CHADL: variants seen among roughly 807,000 people sequenced by gnomAD.
CHADL encodes the protein chondroadherin-like protein.
CHADL carries 48 observed loss-of-function variants against 52.1 expected under a neutral mutation model. The observed-to-expected ratio is 0.92, with a 90% confidence interval of 0.73 to 1.17. The LOEUF (loss-of-function observed/expected upper bound fraction) is 1.17. Ranked by LOEUF, CHADL falls within the 50% of genes most tolerant of loss-of-function variation. The pLI, the probability that CHADL is intolerant of heterozygous loss-of-function variation, is 0.00. For synonymous variants in CHADL, 498 were observed against 511.2 expected (o/e 0.97, Z 0.35); for missense variants, 977 against 1,035.1 (o/e 0.94, Z 0.77).
chr22:41,230,449 G>A lies in CHADL; in HGVS notation c.2263-719C>T, dbSNP rs2032524974. The stretch of plus-strand genomic sequence containing the variant: ...CCTGTTGCTTCTGCCCTCCCCTGTG[G>A]AAAGGTCTATATGACGGGCCGCCTG... On this transcript the variant is annotated intron_variant, in intron 5 of 5. Coordinates refer to ENST00000216241, the MANE Select transcript of CHADL (RefSeq NM_138481.2). The A allele has an allele frequency of 2.9e-5, 17 of 582,914 alleles. No individual in the cohort carries two copies. In the South Asian group the frequency reaches 3.5e-4, roughly 12 times the overall value. 36.1% of individuals were successfully genotyped at this position (582,914 alleles called of 1,614,324 possible). A position where few individuals can be genotyped will look rare whatever the true frequency, so the allele number is the denominator to read the frequency against.
At position 41,238,567 on chromosome 22, in the gene CHADL, C is replaced by T. The variant is rs1256523101; in HGVS notation, c.505G>A (p.Ala169Thr). ...GCCATGGCGGGCAGGTAAACCAGGG[C>T]GTTGTGGGCCAGGTTTAGCGTGGCC... is the stretch of plus-strand genomic sequence containing the variant. ...ALATLNLAHN[A>T]LVYLPAMAFQ... The change falls in exon 3 of 6, where the codon GCC (alanine) becomes ACC (threonine). Residue 169 changes from alanine to threonine, a missense_variant. By Grantham distance (58) the Ala-to-Thr change is moderately conservative. Transcript: ENST00000216241. This position sits in a 1 kb window ranked among gnomAD's most constrained non-coding sequence, Gnocchi z 4.9. The T allele has an allele frequency of 6.5e-7, 1 of 1,546,370 alleles. No homozygotes were observed. The highest frequency in any genetic ancestry group is 1.4e-5 in the African/African-American group (1 of 73,136).
At chr22:41,230,118 C>G (rs1343195973) in intron 5 of CHADL, 6 of 1,342,898 alleles carry the variant, frequency 4.5e-6, no homozygotes, top group African/African-American at 1.5e-5. Flanking sequence ...GCCCACCCAC[C>G]CGCCTCCCCT....
Position 41,237,579 on chromosome 22 carries a change from C to G in CHADL, c.1493G>C (p.Arg498Pro), listed in dbSNP as rs1279326157. ...GCGTTCTAGGTACAGGTAGCCGAGG[C>G]GGGGAGCCCCTTCAAGGGCAGCAGC... Reference protein sequence around the residue: ...LSAAALEGAPRLGYLYLERNR... With the variant: ...LSAAALEGAPPLGYLYLERNR... Residue 498 changes from arginine (R) to proline (P), a missense_variant, in exon 3 of 6, where the codon CGC (arginine) becomes CCC (proline). Coordinates refer to ENST00000216241, the MANE Select transcript of CHADL (RefSeq NM_138481.2). 1.3e-6 allele frequency: 2 copies of G among 1,550,486 alleles called. No individual in the cohort carries two copies. The highest frequency in any genetic ancestry group is 3.9e-5 in the Admixed American group (2 of 51,008).
At chr22:41,239,994 A>G (rs1431546349) in intron 1 of CHADL, among the ~76,000 whole-genome samples, 4 of 152,194 alleles carry the variant, frequency 2.6e-5, no homozygotes, top group African/African-American at 9.6e-5. Context: ...CCTCAGACTG[A>G]TATGATGCCA....
chr22:41,236,386 C>A, intron 4 of CHADL, 98 bp downstream of exon 4: 1 of 1,117,038 alleles, frequency 9.0e-7, no homozygotes, highest in South Asian at 1.5e-5. Flanking sequence ...ACAAGCTGCT[C>A]GGATGGGCAT....
rs556781704 is a variant in CHADL, at chr22:41,229,641, C to T, written c.*63G>A. On this transcript the variant is annotated 3_prime_UTR_variant, in exon 6 of 6. Coordinates refer to ENST00000216241, the MANE Select transcript of CHADL (RefSeq NM_138481.2). ...GGGTGCCAGGAAGATCTCGTCGGAG[C>T]CTGTTCCTGGCGAGAGTAAGAGCCA... 1.2e-6 allele frequency: 2 copies of T among 1,613,666 alleles called. No individual in the cohort carries two copies. Among genetic ancestry groups the T allele is most frequent in the Non-Finnish European group, 1.7e-6 (2 of 1,180,032 alleles).
chr22:41,238,595 C>T lies in CHADL; in HGVS notation c.477G>A (p.Ala159=), dbSNP rs1471282563. The part of the protein sequence containing the change: ...LRPGTFGALG[A]LATLNLAHNA... ...TGTGGGCCAGGTTTAGCGTGGCCAG[C>T]GCACCCAGTGCCCCGAACGTCCCCG... The change falls in exon 3 of 6, where the codon GCG becomes GCA. Residue 159 remains alanine (A), a synonymous_variant. Transcript: ENST00000216241. This position sits in a 1 kb window ranked among gnomAD's most constrained non-coding sequence, Gnocchi z 4.9. 6.5e-7 allele frequency: 1 copy of T among 1,545,252 alleles called. No individual in the cohort carries two copies. The highest frequency in any genetic ancestry group is 8.7e-7 in the Non-Finnish European group (1 of 1,146,500).
In CHADL at chr22:41,237,399, G is replaced by A; in HGVS notation, c.1673C>T (p.Thr558Ile). The change falls in exon 3 of 6, where the codon ACC becomes ATC. Residue 558 changes from threonine to isoleucine, a missense_variant. Coordinates refer to ENST00000216241, the MANE Select transcript of CHADL (RefSeq NM_138481.2). Reference sequence around the variant, plus strand: ...GCCCAGCGCCCCAAGGGACACTTCGGTGATGCGGTTTCCACTCAGGTAGAC... The same window carrying A: ...GCCCAGCGCCCCAAGGGACACTTCGATGATGCGGTTTCCACTCAGGTAGAC... ...RWVYLSGNRI[T>I]EVSLGALGPA... 3 of 1,550,620 alleles carry A rather than the reference G, an allele frequency of 1.9e-6. No individual in the cohort carries two copies. The highest frequency in any genetic ancestry group is 2.6e-6 in the Non-Finnish European group (3 of 1,146,960).
At chr22:41,234,364 CATTATTATTATT>C (rs71200674) in intron 5 of CHADL, among the ~76,000 whole-genome samples, 5 of 139,342 alleles carry the variant, frequency 3.6e-5, no homozygotes, top group East Asian at 2.1e-4. Context: ...GGAGGATGGA[CATTATTATTATT>C]ATTATTATTA....
chr22:41,237,935 A>T lies in CHADL; in HGVS notation c.1137T>A (p.Pro379=). The T allele has an allele frequency of 7.9e-7, 1 of 1,270,798 alleles. No homozygotes were observed. The highest frequency in any genetic ancestry group is 9.9e-7 in the Non-Finnish European group (1 of 1,013,844). The allele number at this position is 1,270,798 out of a possible 1,614,324, so 78.7% of individuals were successfully genotyped here. A position where few individuals can be genotyped will look rare whatever the true frequency, so the allele number is the denominator to read the frequency against. The part of the protein sequence containing the change: ...EERAVAGPRA[P]PRGPPRGPGE... ...CGGGGCCGCGCGGAGGGCCGCGCGGAGGGGCGCGGGGCCCGGCCACAGCCC... is the reference window on the plus strand; with the variant it reads ...CGGGGCCGCGCGGAGGGCCGCGCGGTGGGGCGCGGGGCCCGGCCACAGCCC... Residue 379 remains proline, a synonymous_variant, in exon 3 of 6, where the codon CCT becomes CCA. Transcript: ENST00000216241.
intron 3 of CHADL, 98 bp downstream of exon 3, chr22:41,237,077 TG>T: frequency 7.8e-7 from 1 of 1,285,612 alleles, no homozygotes; most frequent in Non-Finnish European, 1.1e-6. Flanking sequence ...GGCTGAGACC[TG>T]GCACCAAGGG....
intron 5 of CHADL, chr22:41,230,507 C>T: frequency 2.1e-6 from 1 of 474,870 alleles, no homozygotes; most frequent in South Asian, 2.8e-5. Flanking sequence ...ACCACCTTTT[C>T]CAGCCAGAGT....
Position 41,237,347 on chromosome 22 carries a change from G to T in CHADL, c.1725C>A (p.His575Gln), listed in dbSNP as rs762394500. The T allele has an allele frequency of 6.4e-7, 1 of 1,550,656 alleles. No homozygotes were observed. Among genetic ancestry groups the T allele is most frequent in the South Asian group, 1.2e-5 (1 of 84,066 alleles). The change falls in exon 3 of 6, where the codon CAC (histidine) becomes CAA (glutamine). Residue 575 changes from histidine to glutamine, a missense_variant. Transcript: ENST00000216241. ...CCTCTCGCAGCTGATTCCTGTCCAG[G>T]TGCAGCTTCTCCAGCTCCCGAGCTG... The part of the protein sequence containing the change: ...LGPARELEKL[H>Q]LDRNQLREVP...
chr22:41,230,064 T>C lies in CHADL; in HGVS notation c.2263-334A>G, dbSNP rs1444009371. 4 of 1,070,068 alleles carry C rather than the reference T, an allele frequency of 3.7e-6. No individual in the cohort carries two copies. The Admixed American group carries it at 5.8e-5, about 16-fold the overall frequency. 66.3% of individuals were successfully genotyped at this position (1,070,068 alleles called of 1,614,324 possible). A position where few individuals can be genotyped will look rare whatever the true frequency, so the allele number is the denominator to read the frequency against. ...CCCCATCTGTAGGGAGCCAGGTCCC[T>C]TTCCCAGCTCCTCCGCCCCCACCCC... On this transcript the variant is annotated intron_variant, in intron 5 of 5. Coordinates refer to ENST00000216241, the MANE Select transcript of CHADL (RefSeq NM_138481.2).
At position 41,237,242 on chromosome 22, in the gene CHADL, G is replaced by A. The variant is rs906570416; in HGVS notation, c.1830C>T (p.Asp610=). 3.9e-6 allele frequency: 6 copies of A among 1,550,488 alleles called. No individual in the cohort carries two copies. Among genetic ancestry groups the A allele is most frequent in the Admixed American group, 2.0e-5 (1 of 51,008 alleles). ...LSGNPLRALR[D]GAFQPVGRSL... ...ACCTGCCCACAGGCTGGAAGGCTCC[G>A]TCACGCAAGGCCCTGAGTGGGTTGC... is the stretch of plus-strand genomic sequence containing the variant. The change falls in exon 3 of 6, where the codon GAC becomes GAT. Residue 610 remains aspartate (D), a synonymous_variant. Coordinates refer to ENST00000216241, the MANE Select transcript of CHADL (RefSeq NM_138481.2).
In CHADL at chr22:41,238,657, G is replaced by A; in HGVS notation, c.415C>T (p.Leu139=). The A allele has an allele frequency of 6.5e-7, 1 of 1,544,064 alleles. No homozygotes were observed. The highest frequency in any genetic ancestry group is 8.7e-7 in the Non-Finnish European group (1 of 1,145,896). ...TCCAGTGCGTTCCCCTCCAGCTCCA[G>A]CCGCCGCAACGAGCCCAGCCCGTCC... ...ALDGLGSLRR[L]ELEGNALEEL... Residue 139 remains leucine, a synonymous_variant, in exon 3 of 6, where the codon CTG becomes TTG. Coordinates refer to ENST00000216241, the MANE Select transcript of CHADL (RefSeq NM_138481.2). This position sits in a 1 kb window ranked among gnomAD's most constrained non-coding sequence, Gnocchi z 4.9.
In CHADL at chr22:41,237,752, C is replaced by A; in HGVS notation, c.1320G>T (p.Val440=). Residue 440 remains valine, a synonymous_variant, in exon 3 of 6, where the codon GTG becomes GTT. Transcript: ENST00000216241. ...CCAGGCCGGGGAAGGCCGCTCGGGGCACCGAGGGGAAGTGGTTCCGCCTCA... is the reference window on the plus strand; with the variant it reads ...CCAGGCCGGGGAAGGCCGCTCGGGGAACCGAGGGGAAGTGGTTCCGCCTCA... ...LDLRRNHFPS[V]PRAAFPGLGH... is the part of the protein sequence containing the mutation. 1 of 1,539,166 alleles carries A rather than the reference C, an allele frequency of 6.5e-7. No homozygotes were observed. Among genetic ancestry groups the A allele is most frequent in the Admixed American group, 2.0e-5 (1 of 49,738 alleles).
rs1337179602 is a variant in CHADL, at chr22:41,238,371, C to T, written c.701G>A (p.Arg234His). 1 of 1,495,540 alleles carries T rather than the reference C, an allele frequency of 6.7e-7. No homozygotes were observed. The highest frequency in any genetic ancestry group is 8.9e-7 in the Non-Finnish European group (1 of 1,128,336). 92.6% of individuals were successfully genotyped at this position (1,495,540 alleles called of 1,614,324 possible). The change falls in exon 3 of 6, where the codon CGT becomes CAT. Residue 234 changes from arginine (R) to histidine (H), a missense_variant. Coordinates refer to ENST00000216241, the MANE Select transcript of CHADL (RefSeq NM_138481.2). This position sits in a 1 kb window ranked among gnomAD's most constrained non-coding sequence, Gnocchi z 4.9. ...GAGCGGGTTGTGGCCCAGCTCCAGA[C>T]GGGCCAGGCCGCGGGCCTGGGACAA... ...PVLSQARGLA[R>H]LELGHNPLTY... is the part of the protein sequence containing the mutation.
chr22:41,230,079 G>GGGC, intron 5 of CHADL: 38 of 532,550 alleles, frequency 7.1e-5, no homozygotes, highest in East Asian at 2.1e-4. Context: ...CAGCTCCTCC[G>GGGC]CCCCCACCCC....
Sources: allele counts gnomAD v4.1 joint callset (sites outside exome capture counted in the v4.1 genomes callset), GRCh38; gene constraint gnomAD v4.1.1; non-coding constraint Gnocchi (gnomAD v3.1); transcripts MANE v1.5; gene names NCBI Gene and HGNC (gene_info 2026-07-23, HGNC 2026-07-21).